CNBD1: variants seen among roughly 807,000 people sequenced by gnomAD.
CNBD1 encodes the protein cyclic nucleotide binding domain containing 1.
A neutral mutation model predicts 54.4 loss-of-function variants in CNBD1; 71 were observed. The observed-to-expected ratio is 1.30, with a 90% CI of 1.08 to 1.59. The LOEUF (loss-of-function observed/expected upper bound fraction) is 1.59. CNBD1 is among the 40% of genes most tolerant of loss of function. The pLI is 0.00. For missense variants in CNBD1, 659 were observed against 518.0 expected (o/e 1.27, Z -2.64); for synonymous variants, 182 against 170.7 (o/e 1.07, Z -0.51).
At chr8:87,125,750 T>C (rs1438928852) in intron 4 of CNBD1, among the ~76,000 whole-genome samples, 1 of 151,794 alleles carries the variant, frequency 6.6e-6, no homozygotes, top group Non-Finnish European at 1.5e-5. Flanking sequence ...ATATGATAAA[T>C]GAACACTACA....
intron 2 of CNBD1, among the ~76,000 whole-genome samples, chr8:87,427,304 A>G (rs77146375): frequency 1.9e-3 from 285 of 152,190 alleles, no homozygotes; most frequent in African/African-American, 6.5e-3. Context: ...AAATTGTTTC[A>G]CTGCTTTTAA....
chr8:87,009,334 T>C (rs1459367703), intron 4 of CNBD1, among the ~76,000 whole-genome samples: 1 of 152,178 alleles, frequency 6.6e-6, no homozygotes, highest in Non-Finnish European at 1.5e-5. Context: ...AGAATCTCAC[T>C]CTGTCGCCCA....
At chr8:86,871,310 G>A in intron 1 of CNBD1, among the ~76,000 whole-genome samples, 1 of 152,326 alleles carries the variant, frequency 6.6e-6, no homozygotes, top group East Asian at 1.9e-4. Context: ...CCTGTTATTA[G>A]TTCCATGTTA....
chr8:87,038,835 T>A (rs1457583826), intron 4 of CNBD1, among the ~76,000 whole-genome samples: 1 of 152,186 alleles, frequency 6.6e-6, no homozygotes, highest in Non-Finnish European at 1.5e-5. Flanking sequence ...TCTCTTTCAG[T>A]ATCATAATTT....
intron 6 of CNBD1, among the ~76,000 whole-genome samples, chr8:87,283,594 T>C (rs1808637393): frequency 6.6e-6 from 1 of 152,160 alleles, no homozygotes; most frequent in South Asian, 2.1e-4. Context: ...CTCATTCAAG[T>C]TGCAGACCTA....
intron 6 of CNBD1, among the ~76,000 whole-genome samples, chr8:87,256,976 C>A (rs1808036964): frequency 6.6e-6 from 1 of 152,022 alleles, no homozygotes; most frequent in Non-Finnish European, 1.5e-5. Flanking sequence ...AAAAAGCTTT[C>A]TTTACCTGGT....
chr8:87,288,922 A>G (rs1808740505), intron 8 of CNBD1, among the ~76,000 whole-genome samples: 1 of 152,092 alleles, frequency 6.6e-6, no homozygotes, highest in Non-Finnish European at 1.5e-5. Flanking sequence ...AAATAAATAT[A>G]CCTACGTGAA....
At chr8:87,251,595 G>A (rs78997353) in intron 6 of CNBD1, among the ~76,000 whole-genome samples, 462 of 135,052 alleles carry the variant, frequency 3.4e-3, no homozygotes, top group East Asian at 4.6e-3. Context: ...TCTCAAAAAA[G>A]AAAAAAAAAA....
chr8:87,313,487 A>T (rs1753819952), intron 8 of CNBD1, among the ~76,000 whole-genome samples: 1 of 152,048 alleles, frequency 6.6e-6, no homozygotes, highest in African/African-American at 2.4e-5. Flanking sequence ...GAGAAGAACT[A>T]TAATGTATGT....
At chr8:87,343,252 A>T (rs1226402862) in intron 8 of CNBD1, among the ~76,000 whole-genome samples, 1 of 152,166 alleles carries the variant, frequency 6.6e-6, no homozygotes, top group Non-Finnish European at 1.5e-5. Flanking sequence ...ATATTGTTCA[A>T]ACACACATGT....
chr8:86,928,996 T>C (rs985394733), intron 3 of CNBD1, among the ~76,000 whole-genome samples: 3 of 152,186 alleles, frequency 2.0e-5, no homozygotes, highest in African/African-American at 7.2e-5. Context: ...TCTTTTTCAG[T>C]CGGGAAATAC....
intron 8 of CNBD1, among the ~76,000 whole-genome samples, chr8:87,331,314 T>G (rs1478989542): frequency 6.6e-6 from 1 of 152,184 alleles, no homozygotes; most frequent in Non-Finnish European, 1.5e-5. Context: ...CATGCAGTGT[T>G]TGGTTTTCTG....
At chr8:86,877,739 A>T (rs1203139027) in intron 1 of CNBD1, among the ~76,000 whole-genome samples, 1 of 152,110 alleles carries the variant, frequency 6.6e-6, no homozygotes, top group Non-Finnish European at 1.5e-5. Context: ...AAGTGTTTAT[A>T]TAAGAAAAGT....
intron 3 of CNBD1, among the ~76,000 whole-genome samples, chr8:86,917,176 T>C (rs1211763432): frequency 1.3e-5 from 2 of 152,064 alleles, no homozygotes; most frequent in Admixed American, 1.3e-4. Context: ...AGATAGTTAT[T>C]GAGGAAGCTG....
intron 4 of CNBD1, among the ~76,000 whole-genome samples, chr8:87,060,234 T>G (rs1810514241): frequency 6.6e-6 from 1 of 152,206 alleles, no homozygotes; most frequent in Admixed American, 6.5e-5. Flanking sequence ...AAACCGTGCC[T>G]GAACTCTTGA....
chr8:87,412,365 A>G (rs1223883548), intron 2 of CNBD1, among the ~76,000 whole-genome samples: 2 of 152,126 alleles, frequency 1.3e-5, no homozygotes, highest in Non-Finnish European at 2.9e-5. Flanking sequence ...ATACTATGTC[A>G]ATATATCACT....
chr8:87,395,721 G>A (rs1176301883), intron 2 of CNBD1, among the ~76,000 whole-genome samples: 2 of 151,748 alleles, frequency 1.3e-5, no homozygotes, highest in African/African-American at 2.4e-5. Flanking sequence ...CAGATGATAT[G>A]GTATGGCTGT....
At chr8:86,866,956 C>T (rs1025647668) in intron 1 of CNBD1, among the ~76,000 whole-genome samples, 15 of 152,108 alleles carry the variant, frequency 9.9e-5, no homozygotes, top group South Asian at 2.1e-4. Flanking sequence ...GGTCCTACTA[C>T]GCTTAATGGG....
chr8:86,898,189 G>C (rs1743081900), intron 2 of CNBD1, among the ~76,000 whole-genome samples: 1 of 151,978 alleles, frequency 6.6e-6, no homozygotes, highest in Admixed American at 6.6e-5. Context: ...AATATCTACT[G>C]GTTCACTGAA....
Sources: allele counts gnomAD v4.1 joint callset (sites outside exome capture counted in the v4.1 genomes callset), GRCh38; gene constraint gnomAD v4.1.1; transcripts MANE v1.5; gene names NCBI Gene and HGNC (gene_info 2026-07-23, HGNC 2026-07-21).